PIERCE2: variants seen among roughly 807,000 people sequenced by gnomAD.
PIERCE2 encodes piercer of microtubule wall 2 protein.
At chr15:55,414,869 C>T in the PIERCE2 span, among the ~76,000 whole-genome samples, 1 of 151,856 alleles carries the variant, frequency 6.6e-6, no homozygotes, top group East Asian at 2.0e-4. Flanking sequence ...CAGAGTGAGA[C>T]TCCATCTCAA....
chr15:55,414,746 C>T, the PIERCE2 span, among the ~76,000 whole-genome samples: 31 of 151,936 alleles, frequency 2.0e-4, no homozygotes, highest in African/African-American at 7.2e-4. Flanking sequence ...GGCATGGTGG[C>T]GCACGCCTGT....
the PIERCE2 span, chr15:55,418,285 T>C: frequency 2.6e-6 from 4 of 1,551,344 alleles, no homozygotes; most frequent in African/African-American, 5.5e-5. Context: ...AACTGCCTCC[T>C]TGTGTGAACC....
At chr15:55,409,904 TTTAA>T in the PIERCE2 span, among the ~76,000 whole-genome samples, 2 of 152,220 alleles carry the variant, frequency 1.3e-5, no homozygotes, top group Non-Finnish European at 2.9e-5. Context: ...CATTTACAAT[TTTAA>T]TTAACCTTTT....
the PIERCE2 span, among the ~76,000 whole-genome samples, chr15:55,414,874 T>C: frequency 6.6e-6 from 1 of 151,694 alleles, no homozygotes; most frequent in Non-Finnish European, 1.5e-5. Context: ...TGAGACTCCA[T>C]CTCAAAAAAA....
At chr15:55,418,302 A>G in the PIERCE2 span, 66 of 1,548,480 alleles carry the variant, frequency 4.3e-5, no homozygotes, top group African/African-American at 7.8e-4. Flanking sequence ...AACCCTGGCA[A>G]TCCTGTGTTT....
At chr15:55,415,116 C>A in the PIERCE2 span, among the ~76,000 whole-genome samples, 16 of 152,104 alleles carry the variant, frequency 1.1e-4, no homozygotes, top group Non-Finnish European at 1.6e-4. Context: ...TCAAGTACTT[C>A]TATTAGTATT....
chr15:55,411,688 G>C, the PIERCE2 span, among the ~76,000 whole-genome samples: 7 of 151,950 alleles, frequency 4.6e-5, no homozygotes, highest in Admixed American at 4.6e-4. Flanking sequence ...TTGGGAGGCC[G>C]AGGCGGGCGG....
chr15:55,408,630 C>A, the PIERCE2 span: 1 of 603,524 alleles, frequency 1.7e-6, no homozygotes, highest in Non-Finnish European at 3.0e-6. Flanking sequence ...ACATACTGAT[C>A]CACCCAGCTA....
the PIERCE2 span, among the ~76,000 whole-genome samples, chr15:55,411,982 T>G: frequency 5.9e-5 from 9 of 151,272 alleles, no homozygotes; most frequent in Non-Finnish European, 1.2e-4. Context: ...GCCCAGCGAT[T>G]TGGGAGGCTA....
chr15:55,411,681 GGAGGCC>G, the PIERCE2 span, among the ~76,000 whole-genome samples: 14 of 152,158 alleles, frequency 9.2e-5, no homozygotes, highest in Middle Eastern at 0.02. Flanking sequence ...CAGCACTTTG[GGAGGCC>G]GAGGCGGGCG....
At chr15:55,416,880 G>C in the PIERCE2 span, among the ~76,000 whole-genome samples, 1 of 152,172 alleles carries the variant, frequency 6.6e-6, no homozygotes, top group African/African-American at 2.4e-5. Flanking sequence ...AGAATTGCTT[G>C]AACCCGGGAG....
the PIERCE2 span, chr15:55,418,634 G>C: frequency 9.2e-7 from 1 of 1,087,948 alleles, no homozygotes; most frequent in South Asian, 1.8e-5. Context: ...TAAATCTAAG[G>C]GTAGAATACC....
the PIERCE2 span, chr15:55,418,639 A>G: frequency 1.9e-6 from 2 of 1,043,854 alleles, no homozygotes; most frequent in East Asian, 2.6e-5. Context: ...CTAAGGGTAG[A>G]ATACCTAATA....
the PIERCE2 span, among the ~76,000 whole-genome samples, chr15:55,413,253 G>A: frequency 6.7e-6 from 1 of 148,436 alleles, no homozygotes; most frequent in South Asian, 2.1e-4. Context: ...GGGCAAAAGA[G>A]TGAGACTCCG....
chr15:55,415,205 C>T, the PIERCE2 span, among the ~76,000 whole-genome samples: 3 of 152,134 alleles, frequency 2.0e-5, no homozygotes, highest in Non-Finnish European at 4.4e-5. Flanking sequence ...TGGTGGCTCA[C>T]GCCTGTAATC....
At chr15:55,415,021 A>T in the PIERCE2 span, among the ~76,000 whole-genome samples, 1 of 152,234 alleles carries the variant, frequency 6.6e-6, no homozygotes, top group African/African-American at 2.4e-5. Context: ...TTCTGACATA[A>T]TTATACCAGG....
the PIERCE2 span, chr15:55,408,899 A>C: frequency 1.5e-6 from 1 of 683,258 alleles, no homozygotes; most frequent in Admixed American, 2.8e-5. Context: ...AGCACTTTAC[A>C]AGGCAACTAC....
the PIERCE2 span, among the ~76,000 whole-genome samples, chr15:55,416,999 T>C: frequency 6.6e-6 from 1 of 151,652 alleles, no homozygotes; most frequent in Non-Finnish European, 1.5e-5. Context: ...ACAAACAAAT[T>C]TGCTCCATCT....
chr15:55,414,700 G>C, the PIERCE2 span, among the ~76,000 whole-genome samples: 2 of 150,416 alleles, frequency 1.3e-5, no homozygotes, highest in Non-Finnish European at 3.0e-5. Context: ...CCAACATGGT[G>C]AAACCCCATC....
Sources: gnomAD v4.1 joint callset for allele counts (sites outside exome capture counted in the v4.1 genomes callset) on GRCh38, gnomAD v4.1.1 for gene constraint, MANE v1.5 for transcripts, NCBI Gene and HGNC (gene_info 2026-07-23, HGNC 2026-07-21) for gene names.